The following NR3C2 variants were observed in gnomAD, a reference collection of about 807,000 sequenced individuals.
NR3C2 encodes the protein nuclear receptor subfamily 3 group C member 2.
In NR3C2, 15 loss-of-function variants were observed where a neutral mutation model predicts 86.4. That is an observed-to-expected ratio of 0.17 (90% CI 0.12 to 0.27). The LOEUF (loss-of-function observed/expected upper bound fraction) is 0.27. Among genes scored for constraint, NR3C2 ranks in the 10% least tolerant of loss-of-function variants. The probability of loss-of-function intolerance (pLI) is 1.00; values close to 1 mark genes in which losing one functional copy is unlikely to be tolerated. For synonymous variants in NR3C2, 458 were observed against 450.5 expected (o/e 1.02, Z -0.21); for missense variants, 960 against 1,195.6 (o/e 0.80, Z 2.91).
chr4:148,101,675 G>A (rs1046159385), intron 8 of NR3C2, among the ~76,000 whole-genome samples: 6 of 152,112 alleles, frequency 3.9e-5, no homozygotes, highest in Admixed American at 2.6e-4. Flanking sequence ...ATAGAGTTTC[G>A]GGATTATTTA....
chr4:148,133,402 C>T (rs1049652610), intron 6 of NR3C2, among the ~76,000 whole-genome samples: 10 of 152,126 alleles, frequency 6.6e-5, no homozygotes, highest in African/African-American at 2.4e-4. Flanking sequence ...CGTAAAGACA[C>T]TGCTTACTTT....
At chr4:148,162,844 G>C (rs1734725148) in intron 4 of NR3C2, among the ~76,000 whole-genome samples, 1 of 152,110 alleles carries the variant, frequency 6.6e-6, no homozygotes, top group Non-Finnish European at 1.5e-5. Context: ...CTGTTGTGCT[G>C]ATATAGACCT....
chr4:148,366,958 A>C (rs1466065569), intron 2 of NR3C2, among the ~76,000 whole-genome samples: 3 of 152,186 alleles, frequency 2.0e-5, no homozygotes, highest in African/African-American at 7.2e-5. Context: ...ATGATTTATA[A>C]AGGTTTGCTT....
At chr4:148,171,534 T>G (rs1735125991) in intron 4 of NR3C2, among the ~76,000 whole-genome samples, 1 of 152,184 alleles carries the variant, frequency 6.6e-6, no homozygotes, top group South Asian at 2.1e-4. Flanking sequence ...CATCGGGCAT[T>G]ATATTCTCAT....
At chr4:148,377,406 G>C (rs114474519) in intron 2 of NR3C2, among the ~76,000 whole-genome samples, 148 of 152,298 alleles carry the variant, frequency 9.7e-4, no homozygotes, top group Middle Eastern at 3.4e-3. Context: ...CTTCCCAAAA[G>C]TAGGGGACAG....
chr4:148,139,600 G>A (rs137952635), intron 6 of NR3C2, among the ~76,000 whole-genome samples: 2,943 of 152,296 alleles, frequency 0.019, 53 homozygotes, highest in Non-Finnish European at 0.029. Flanking sequence ...GGGCACAGAT[G>A]ATGTCTGTGA....
Position 148,152,580 on chromosome 4 carries a change from G to A in NR3C2, c.2399C>T (p.Thr800Ile). 6.2e-7 allele frequency: 1 copy of A among 1,613,964 alleles called. No individual in the cohort carries two copies. Among genetic ancestry groups the A allele is most frequent in the Non-Finnish European group, 8.5e-7 (1 of 1,179,854 alleles). Residue 800 changes from threonine to isoleucine, a missense_variant, in exon 6 of 9, where the codon ACC (threonine) becomes ATC (isoleucine). Thr to Ile is a moderately conservative substitution (Grantham distance 89). Transcript: ENST00000358102. ...ACACATCCAAGAATACTGGATTAGGGTAATTTGGTCCTCAAGAGGCAAGTT... is the reference window on the plus strand; with the variant it reads ...ACACATCCAAGAATACTGGATTAGGATAATTTGGTCCTCAAGAGGCAAGTT... ...FKNLPLEDQITLIQYSWMCLS... is the reference protein window; with the variant it reads ...FKNLPLEDQIILIQYSWMCLS...
chr4:148,249,947 G>A (rs979184351), intron 3 of NR3C2, among the ~76,000 whole-genome samples: 1 of 152,168 alleles, frequency 6.6e-6, no homozygotes, highest in African/African-American at 2.4e-5. Context: ...TCAGAAAGAT[G>A]AGAGGGAGAG....
chr4:148,160,210 G>A (rs775366039), intron 4 of NR3C2, among the ~76,000 whole-genome samples: 2 of 152,044 alleles, frequency 1.3e-5, no homozygotes, highest in East Asian at 3.8e-4. Context: ...TTAGATTCTC[G>A]TGAATTGTTC....
chr4:148,399,536 A>G (rs919973496), intron 2 of NR3C2, among the ~76,000 whole-genome samples: 4 of 152,140 alleles, frequency 2.6e-5, no homozygotes, highest in Admixed American at 6.6e-5. Context: ...TCGAATTTTC[A>G]AAATGAAATA....
At chr4:148,248,762 T>C (rs777829907) in intron 3 of NR3C2, among the ~76,000 whole-genome samples, 7 of 152,200 alleles carry the variant, frequency 4.6e-5, no homozygotes, top group African/African-American at 1.7e-4. Context: ...TCAAATCAAA[T>C]ATTTAACATG....
intron 2 of NR3C2, among the ~76,000 whole-genome samples, chr4:148,263,265 ACTTT>A (rs1387214017): frequency 2.6e-5 from 4 of 152,150 alleles, no homozygotes; most frequent in African/African-American, 9.7e-5. Context: ...AACAATATTT[ACTTT>A]CTTTCTCCAG....
At chr4:148,087,657 C>T (rs1730876350) in intron 8 of NR3C2, among the ~76,000 whole-genome samples, 1 of 152,050 alleles carries the variant, frequency 6.6e-6, no homozygotes, top group Non-Finnish European at 1.5e-5. Flanking sequence ...AACTGGCTAG[C>T]CATATGCAGA....
chr4:148,388,218 C>A lies in NR3C2; in HGVS notation c.1757+46886G>T, dbSNP rs186503196. Among the ~76,000 whole-genome samples, 3 of 152,216 alleles carry A rather than the reference C, an allele frequency of 2.0e-5. No individual in the cohort carries two copies. In the East Asian group the frequency reaches 5.8e-4, roughly 29 times the overall value. The stretch of plus-strand genomic sequence containing the variant: ...TAAAAATCCAGTATTTTAGGGAAAA[C>A]AATAAAGTACAGACTGAACATGCTA... On this transcript the variant is annotated intron_variant, in intron 2 of 8. Coordinates refer to ENST00000358102, the MANE Select transcript of NR3C2 (RefSeq NM_000901.5).
At chr4:148,147,255 T>C (rs1733913767) in intron 6 of NR3C2, among the ~76,000 whole-genome samples, 2 of 152,224 alleles carry the variant, frequency 1.3e-5, no homozygotes, top group South Asian at 4.1e-4. Context: ...AAGAATAAGA[T>C]CTTTGGGAAC....
chr4:148,390,457 G>A (rs1747487245), intron 2 of NR3C2, among the ~76,000 whole-genome samples: 1 of 152,132 alleles, frequency 6.6e-6, no homozygotes, highest in Non-Finnish European at 1.5e-5. Context: ...TGTTCTGGGT[G>A]GTGGCAGGCA....
intron 2 of NR3C2, among the ~76,000 whole-genome samples, chr4:148,426,865 A>G (rs1392738308): frequency 1.3e-5 from 2 of 152,126 alleles, no homozygotes; most frequent in Non-Finnish European, 2.9e-5. Flanking sequence ...AATGTTTCCA[A>G]TCATAGGTAG....
upstream of NR3C2, chr4:148,444,027 G>A (rs1436156948): frequency 7.1e-6 from 7 of 985,214 alleles, no homozygotes; most frequent in Non-Finnish European, 8.4e-6. Context: ...AGGAGTCCCC[G>A]CCGAGCGTCC....
chr4:148,387,095 A>C (rs893050272), intron 2 of NR3C2, among the ~76,000 whole-genome samples: 1 of 152,234 alleles, frequency 6.6e-6, no homozygotes, highest in Non-Finnish European at 1.5e-5. Flanking sequence ...ATGTGATATA[A>C]ACGGAAGTTA....
Sources: gnomAD v4.1 joint callset for allele counts (sites outside exome capture counted in the v4.1 genomes callset) on GRCh38, gnomAD v4.1.1 for gene constraint, MANE v1.5 for transcripts, NCBI Gene and HGNC (gene_info 2026-07-23, HGNC 2026-07-21) for gene names.